Variants in KMO observed in about 807,000 individuals in gnomAD.
The protein encoded by KMO is kynurenine 3-hydroxylase.
In KMO, 24 loss-of-function variants were observed where a neutral mutation model predicts 57.8. The observed-to-expected ratio is 0.42, with a 90% confidence interval of 0.30 to 0.58. The LOEUF is 0.58. KMO is among the 20% of genes least tolerant of loss of function. The probability of loss-of-function intolerance (pLI) is 0.22; values close to 1 mark genes in which losing one functional copy is unlikely to be tolerated. For missense variants in KMO, 483 were observed against 588.2 expected, an observed-to-expected ratio of 0.82 and a Z score of 1.85; for synonymous variants, 210 against 193.6, an observed-to-expected ratio of 1.08 and a Z score of -0.70.
Position 241,589,156 on chromosome 1 carries a change from T to G in KMO, c.1098+326T>G, listed in dbSNP as rs562273900. ...AATACAACTTTCAGATGTGTCAACA[T>G]ATTTAGAAAATCTAAGAAATGTTGA... On this transcript the variant is annotated intron_variant, in intron 12 of 14. Transcript: ENST00000366559. Among the ~76,000 whole-genome samples the G allele has an allele frequency of 2.6e-5, 4 of 152,352 alleles. No homozygotes were observed. The East Asian group carries it at 7.7e-4, about 29-fold the overall frequency.
rs1660609221 is a variant in KMO at position 241,532,397 on chromosome 1, C to T, written c.-48C>T. On this transcript the variant is annotated 5_prime_UTR_variant, in exon 1 of 15. Transcript: ENST00000366559. ...GTGTAGGAGACACAGAAATCAGTGT[C>T]ACTCAGTGACAGAAGCAACAATAAT... The T allele has an allele frequency of 1.9e-6, 3 of 1,611,458 alleles. No homozygotes were observed. Among genetic ancestry groups the T allele is most frequent in the Non-Finnish European group, 1.7e-6 (2 of 1,178,834 alleles).
intron 11 of KMO, among the ~76,000 whole-genome samples, 158 bp downstream of exon 11, chr1:241,586,894 C>T (rs1663014729): frequency 6.6e-6 from 1 of 152,082 alleles, no homozygotes; most frequent in South Asian, 2.1e-4. Context: ...CCACCGTTTT[C>T]CCATAGCAAC....
chr1:241,543,135 A>G (rs919900377), intron 1 of KMO, among the ~76,000 whole-genome samples: 3 of 152,186 alleles, frequency 2.0e-5, no homozygotes, highest in African/African-American at 7.2e-5. Flanking sequence ...AATAATAACA[A>G]TAAGCGGCCA....
chr1:241,576,588 A>C (rs1662527950), intron 10 of KMO, among the ~76,000 whole-genome samples: 1 of 152,164 alleles, frequency 6.6e-6, no homozygotes, highest in East Asian at 1.9e-4. Context: ...ACAGGACCCC[A>C]GTCCTTGCTG....
chr1:241,566,696 G>A, intron 9 of KMO, 84 bp downstream of exon 9: 3 of 1,428,212 alleles, frequency 2.1e-6, no homozygotes, highest in Admixed American at 1.7e-5. Context: ...TTTCAGTTTG[G>A]GTTAAACACG....
At chr1:241,577,943 C>T (rs1662592398) in intron 10 of KMO, among the ~76,000 whole-genome samples, 1 of 152,146 alleles carries the variant, frequency 6.6e-6, no homozygotes. Context: ...GGAAAGTGAT[C>T]CACCTCCCAG....
intron 1 of KMO, among the ~76,000 whole-genome samples, chr1:241,535,374 A>G (rs565206183): frequency 2.0e-5 from 3 of 152,250 alleles, no homozygotes; most frequent in South Asian, 2.1e-4. Context: ...AGAGTTGAGA[A>G]CCTTTACTTA....
intron 9 of KMO, among the ~76,000 whole-genome samples, chr1:241,567,024 G>A (rs776010752): frequency 1.2e-4 from 19 of 152,166 alleles, no homozygotes; most frequent in Admixed American, 3.9e-4. Flanking sequence ...TATTCCACTC[G>A]TGGGAAAAGG....
intron 2 of KMO, 135 bp from the exon 3 acceptor site, chr1:241,549,542 G>T: frequency 2.3e-6 from 1 of 437,580 alleles, no homozygotes; most frequent in Non-Finnish European, 4.1e-6. Context: ...ACTGCTATTA[G>T]CATTTTCTTT....
chr1:241,554,992 A>G (rs554099535), intron 4 of KMO, among the ~76,000 whole-genome samples: 1 of 152,028 alleles, frequency 6.6e-6, no homozygotes, highest in African/African-American at 2.4e-5. Flanking sequence ...AAAAAAAAAA[A>G]AAAGTATTGT....
At chr1:241,589,956 A>G in intron 12 of KMO, 56 bp from the exon 13 acceptor site, 1 of 1,255,306 alleles carries the variant, frequency 8.0e-7, no homozygotes, top group South Asian at 1.2e-5. Context: ...ACTAAGTCGC[A>G]GTGAGAAATA....
Position 241,558,386 on chromosome 1 carries a change from G to A in KMO, c.362-2279G>A, listed in dbSNP as rs190302327. Among the ~76,000 whole-genome samples, 96 of 152,188 alleles carry A rather than the reference G, an allele frequency of 6.3e-4. 2 individuals carry two copies. The East Asian group carries it at 0.011, about 17-fold the overall frequency. Reference sequence around the variant, plus strand: ...CATATAAAGTTCATTCTTTCTTTACGAGGCATCAAATGTGGGAGGTTTTCA... The same window carrying A: ...CATATAAAGTTCATTCTTTCTTTACAAGGCATCAAATGTGGGAGGTTTTCA... On this transcript the variant is annotated intron_variant, in intron 5 of 14. Transcript: ENST00000366559.
At chr1:241,564,876 C>T (rs1573922713) in intron 7 of KMO, 111 bp from the exon 8 acceptor site, 2 of 664,796 alleles carry the variant, frequency 3.0e-6, no homozygotes, top group South Asian at 3.7e-5. Flanking sequence ...TGCGTATCAT[C>T]GTGTAGATGC....
chr1:241,569,656 T>C (rs1408291182), intron 10 of KMO, among the ~76,000 whole-genome samples: 5 of 152,142 alleles, frequency 3.3e-5, no homozygotes, highest in South Asian at 4.1e-4. Context: ...TGATGTTCTT[T>C]CTTTTTGCAT....
intron 10 of KMO, among the ~76,000 whole-genome samples, chr1:241,574,406 A>G (rs1452579044): frequency 2.6e-5 from 4 of 151,992 alleles, no homozygotes; most frequent in African/African-American, 9.7e-5. Context: ...CTGTGGATTC[A>G]TCATATATGG....
At chr1:241,565,404 T>C (rs1308144561) in intron 8 of KMO, among the ~76,000 whole-genome samples, 2 of 152,010 alleles carry the variant, frequency 1.3e-5, no homozygotes, top group African/African-American at 4.8e-5. Flanking sequence ...AGGTCTGTAG[T>C]ACATTGGAAT....
intron 10 of KMO, among the ~76,000 whole-genome samples, chr1:241,578,279 C>T (rs890277916): frequency 2.0e-5 from 3 of 152,280 alleles, no homozygotes; most frequent in Non-Finnish European, 1.5e-5. Context: ...GAACTGCAGA[C>T]TTTTCTTGCT....
chr1:241,588,397 A>T (rs932485423), intron 11 of KMO, among the ~76,000 whole-genome samples: 1 of 129,332 alleles, frequency 7.7e-6, no homozygotes, highest in Non-Finnish European at 1.5e-5. Flanking sequence ...GGAGCCAGAG[A>T]TATTTTGTTT....
chr1:241,542,605 C>G (rs1660997577), intron 1 of KMO, among the ~76,000 whole-genome samples: 1 of 152,210 alleles, frequency 6.6e-6, no homozygotes, highest in Non-Finnish European at 1.5e-5. Flanking sequence ...TTACTGGGAA[C>G]AGTCCTGTCT....
Sources: allele counts gnomAD v4.1 joint callset (sites outside exome capture counted in the v4.1 genomes callset), GRCh38; gene constraint gnomAD v4.1.1; transcripts MANE v1.5; gene names NCBI Gene and HGNC (gene_info 2026-07-23, HGNC 2026-07-21).